The following ERICH3 variants were observed in gnomAD, a reference collection of about 807,000 sequenced individuals.
The protein encoded by ERICH3 is glutamate-rich protein 3.
In ERICH3, 126 loss-of-function variants were observed where a neutral mutation model predicts 131.1. The ratio of observed to expected loss-of-function variants is 0.96; its 90% CI spans 0.83 to 1.11. The LOEUF (loss-of-function observed/expected upper bound fraction) is 1.11, where lower values mean the gene tolerates loss of function less well. ERICH3 is among the 50% of genes most tolerant of loss of function. ERICH3 has a pLI of 0.00. For missense variants in ERICH3, 2,050 were observed against 1,810.7 expected, an observed-to-expected ratio of 1.13 and a Z score of -2.40; for synonymous variants, 695 against 644.6, an observed-to-expected ratio of 1.08 and a Z score of -1.18.
chr1:74,606,328 A>G (rs775018932), intron 10 of ERICH3, among the ~76,000 whole-genome samples: 57 of 151,928 alleles, frequency 3.8e-4, no homozygotes, highest in Non-Finnish European at 6.0e-4. Context: ...GCAGAAGTCA[A>G]TAGAGTCTCT....
At chr1:74,662,860 A>G (rs1336131066) in intron 1 of ERICH3, among the ~76,000 whole-genome samples, 3 of 152,172 alleles carry the variant, frequency 2.0e-5, no homozygotes, top group Non-Finnish European at 2.9e-5. Flanking sequence ...CTATTTAAAA[A>G]TGTTTCCCAA....
Position 74,572,968 on chromosome 1 carries a change from C to G in ERICH3, c.2742G>C (p.Glu914Asp). 4 of 1,614,156 alleles carry G rather than the reference C, an allele frequency of 2.5e-6. No individual in the cohort carries two copies. The highest frequency in any genetic ancestry group is 3.4e-6 in the Non-Finnish European group (4 of 1,180,028). Residue 914 changes from glutamate (E) to aspartate (D), a missense_variant, in exon 14 of 15, where the codon GAG (glutamate) becomes GAC (aspartate). Transcript: ENST00000326665. The part of the protein sequence containing the change: ...LANEAAALNL[E>D]HLHEVAALRE... Reference sequence around the variant, plus strand: ...TCAGGGCTGCTACTTCATGAAGATGCTCCAAGTTCAGGGCTGCTGCTTCAT... The same window carrying G: ...TCAGGGCTGCTACTTCATGAAGATGGTCCAAGTTCAGGGCTGCTGCTTCAT...
At position 74,572,325 on chromosome 1, in the gene ERICH3, C is replaced by G. The variant is rs866558257; in HGVS notation, c.3385G>C (p.Glu1129Gln). ...AACTCAGAAGCCTCCACAGGTGCTT[C>G]GTTCTCAGCATCAGATCCCATTTCA... is the stretch of plus-strand genomic sequence containing the variant. ...PNEMGSDAEN[E>Q]APVEASELSD... Residue 1129 changes from glutamate (E) to glutamine (Q), a missense_variant, in exon 14 of 15, where the codon GAA becomes CAA. Glu to Gln is a conservative substitution (Grantham distance 29). Transcript: ENST00000326665. 5.6e-6 allele frequency: 9 copies of G among 1,613,788 alleles called. No individual in the cohort carries two copies. The highest frequency in any genetic ancestry group is 1.3e-5 in the African/African-American group (1 of 74,892).
At chr1:74,614,156 A>G (rs1014417609) in intron 8 of ERICH3, among the ~76,000 whole-genome samples, 1 of 152,088 alleles carries the variant, frequency 6.6e-6, no homozygotes, top group Admixed American at 6.5e-5. Context: ...TGCTGATGCT[A>G]TTGGTCTAGG....
intron 1 of ERICH3, among the ~76,000 whole-genome samples, chr1:74,652,189 ATTGT>A (rs1646541483): frequency 6.6e-6 from 1 of 152,142 alleles, no homozygotes; most frequent in South Asian, 2.1e-4. Context: ...ACATTACTAA[ATTGT>A]TTGATATCAA....
rs1646973350 is a variant in ERICH3, at chr1:74,572,573, C to T, written c.3137G>A (p.Arg1046Lys). 1 of 1,613,826 alleles carries T rather than the reference C, an allele frequency of 6.2e-7. No individual in the cohort carries two copies. Among genetic ancestry groups the T allele is most frequent in the African/African-American group, 1.3e-5 (1 of 74,822 alleles). The change falls in exon 14 of 15, where the codon AGG becomes AAG. Residue 1046 changes from arginine to lysine, a missense_variant. Arg to Lys is a conservative substitution (Grantham distance 26). Transcript: ENST00000326665. Reference sequence around the variant, plus strand: ...TAATTCCTTGGGTAAAATTTCTTTCCTATCATCTTCCCTATTAGCTTCTGC... The same window carrying T: ...TAATTCCTTGGGTAAAATTTCTTTCTTATCATCTTCCCTATTAGCTTCTGC... ...TEAEANREDD[R>K]KEILPKELDL... is the part of the protein sequence containing the mutation.
chr1:74,669,539 CAT>C (rs957668285), intron 1 of ERICH3, among the ~76,000 whole-genome samples: 1 of 152,124 alleles, frequency 6.6e-6, no homozygotes, highest in African/African-American at 2.4e-5. Flanking sequence ...TAAATAGCAA[CAT>C]GAGTGAGATT....
chr1:74,599,907 T>C lies in ERICH3; in HGVS notation c.1514A>G (p.Asp505Gly). 1.9e-6 allele frequency: 3 copies of C among 1,610,906 alleles called. No homozygotes were observed. Among genetic ancestry groups the C allele is most frequent in the Non-Finnish European group, 2.5e-6 (3 of 1,178,360 alleles). The change falls in exon 11 of 15, where the codon GAT becomes GGT. Residue 505 changes from aspartate to glycine, a missense_variant. Coordinates refer to ENST00000326665, the MANE Select transcript of ERICH3 (RefSeq NM_001002912.5). Reference sequence around the variant, plus strand: ...AGATTTTTCACCTTGTTTCTCCTCATCTACTTCAAAGTCTTCTTCATACTC... The same window carrying C: ...AGATTTTTCACCTTGTTTCTCCTCACCTACTTCAAAGTCTTCTTCATACTC... Reference protein sequence around the residue: ...KYEYEEDFEVDEEKQGEKSNE... With the variant: ...KYEYEEDFEVGEEKQGEKSNE...
rs186382293 is a variant in ERICH3 at position 74,658,247 on chromosome 1, A to G, written c.24-8932T>C. Among the ~76,000 whole-genome samples the G allele has an allele frequency of 2.5e-4, 38 of 152,220 alleles. No individual in the cohort carries two copies. The East Asian group carries it at 7.2e-3, about 29-fold the overall frequency. On this transcript the variant is annotated intron_variant, in intron 1 of 14. Transcript: ENST00000326665. ...CTCTTCCTTTTCCCCTCCACTTCCC[A>G]ATTCCTTGTCCTCCTTTCCCATCTT...
chr1:74,574,070 A>C (rs1031651665), intron 13 of ERICH3, among the ~76,000 whole-genome samples: 2 of 148,290 alleles, frequency 1.3e-5, no homozygotes, highest in Non-Finnish European at 3.0e-5. Flanking sequence ...GGCCCACTTC[A>C]GCCTTGATTT....
intron 3 of ERICH3, among the ~76,000 whole-genome samples, chr1:74,643,994 C>T (rs1381822980): frequency 1.3e-5 from 2 of 151,948 alleles, no homozygotes; most frequent in Admixed American, 6.6e-5. Context: ...TTATGCTTTT[C>T]CCCCCAAGTT....
intron 2 of ERICH3, among the ~76,000 whole-genome samples, chr1:74,647,949 G>A (rs190721974): frequency 9.2e-5 from 14 of 152,210 alleles, no homozygotes; most frequent in African/African-American, 2.9e-4. Context: ...CAACTAGAGT[G>A]GAAGCTCCTA....
intron 7 of ERICH3, chr1:74,624,128 T>C (rs1421445865): frequency 2.0e-5 from 3 of 152,302 alleles, no homozygotes; most frequent in African/African-American, 7.2e-5. Context: ...TTCTGTCCTT[T>C]CCATATTCTG....
Position 74,636,498 on chromosome 1 carries a change from A to G in ERICH3, c.445-60T>C, listed in dbSNP as rs1370963304. On this transcript the variant is annotated intron_variant, in intron 5 of 14. Coordinates refer to ENST00000326665, the MANE Select transcript of ERICH3 (RefSeq NM_001002912.5). Reference sequence around the variant, plus strand: ...AGTATCTTGACATGTTTCCAGAACCAATTAATAACCCAATAAATTGCCTAG... The same window carrying G: ...AGTATCTTGACATGTTTCCAGAACCGATTAATAACCCAATAAATTGCCTAG... The G allele has an allele frequency of 2.7e-6, 4 of 1,478,314 alleles. No homozygotes were observed. In the East Asian group the frequency reaches 6.8e-5, roughly 25 times the overall value. 91.6% of individuals were successfully genotyped at this position (1,478,314 alleles called of 1,614,324 possible).
intron 11 of ERICH3, among the ~76,000 whole-genome samples, chr1:74,595,402 T>C (rs1647800715): frequency 5.9e-5 from 9 of 152,102 alleles, no homozygotes; most frequent in Admixed American, 5.9e-4. Context: ...TGATAGTTAT[T>C]ATTATCAGAT....
chr1:74,571,495 TACC>T lies in ERICH3; in HGVS notation c.4212_4214del (p.Val1405del), dbSNP rs879021850. 1 of 1,614,124 alleles carries T rather than the reference TACC, an allele frequency of 6.2e-7. No homozygotes were observed. The highest frequency in any genetic ancestry group is 1.1e-5 in the South Asian group (1 of 91,078). ...CCTCCCCACTCCGTGCTAATTCCTC[TACC>T]ACCACCTTCCCTGCAGCTGCTGTTT... On this transcript the variant is annotated inframe_deletion, in exon 14 of 15. Coordinates refer to ENST00000326665, the MANE Select transcript of ERICH3 (RefSeq NM_001002912.5).
rs759448808 is a variant in ERICH3, at chr1:74,646,697, C to T, written c.213G>A (p.Gln71=). ...TATCAAGAACTTTATGAAAAATTGC[C>T]TGGGCTAAGCATTCCCGGATATATT... is the stretch of plus-strand genomic sequence containing the variant. ...HQKYIRECLA[Q]AIFHKVLDME... Residue 71 remains glutamine (Q), a synonymous_variant, in exon 3 of 15, where the codon CAG becomes CAA. Coordinates refer to ENST00000326665, the MANE Select transcript of ERICH3 (RefSeq NM_001002912.5). The T allele has an allele frequency of 4.2e-5, 60 of 1,445,644 alleles. 2 individuals are homozygous for T. The South Asian group carries it at 6.5e-4, about 16-fold the overall frequency. The allele number at this position is 1,445,644 out of a possible 1,614,324, so 89.6% of individuals were successfully genotyped here.
chr1:74,596,520 A>G (rs1409819042), intron 11 of ERICH3, among the ~76,000 whole-genome samples: 1 of 152,058 alleles, frequency 6.6e-6, no homozygotes, highest in Non-Finnish European at 1.5e-5. Context: ...TGAAATATAT[A>G]TTACACTGTT....
intron 12 of ERICH3, among the ~76,000 whole-genome samples, chr1:74,583,557 A>G (rs558422209): frequency 1.3e-5 from 2 of 152,138 alleles, no homozygotes; most frequent in African/African-American, 4.8e-5. Context: ...GAGGTTAACC[A>G]TGAGTAACTG....
Sources: gnomAD v4.1 joint callset for allele counts (sites outside exome capture counted in the v4.1 genomes callset) on GRCh38, gnomAD v4.1.1 for gene constraint, MANE v1.5 for transcripts, NCBI Gene and HGNC (gene_info 2026-07-23, HGNC 2026-07-21) for gene names.